Variants in TPM3 observed in about 807,000 individuals in gnomAD.
TPM3 encodes tropomyosin 3.
TPM3 carries 16 observed loss-of-function variants against 43.1 expected under a neutral mutation model. The ratio of observed to expected loss-of-function variants is 0.37; its 90% CI spans 0.25 to 0.56. TPM3 has a LOEUF of 0.56. Ranked by LOEUF, TPM3 falls within the 20% of genes least tolerant of loss-of-function variation. The pLI, the probability that TPM3 is intolerant of heterozygous loss-of-function variation, is 0.77. For missense variants in TPM3, 176 were observed against 337.2 expected (o/e 0.52, Z 3.74); for synonymous variants, 101 against 116.9 (o/e 0.86, Z 0.88).
At chr1:154,174,842 C>T (rs1445687096) in intron 3 of TPM3, among the ~76,000 whole-genome samples, 1 of 151,742 alleles carries the variant, frequency 6.6e-6, no homozygotes, top group Non-Finnish European at 1.5e-5. Context: ...CACATAGCTG[C>T]CTCTTTCATT....
In TPM3 at chr1:154,180,495, A is replaced by G. The variant is rs371946697; in HGVS notation, c.244-4247T>C. On this transcript the variant is annotated intron_variant, in intron 2 of 9. Coordinates refer to ENST00000651641, the MANE Select transcript of TPM3 (RefSeq NM_152263.4). The stretch of plus-strand genomic sequence containing the variant: ...ATTAAGCTTCTTCAGGCTGGGGAGT[A>G]GAAGAAATGATTTCATCAATATTTA... 2.0e-5 allele frequency among the ~76,000 whole-genome samples: 3 copies of G among 152,196 alleles called. No homozygotes were observed. In the East Asian group the frequency reaches 5.8e-4, roughly 29 times the overall value.
chr1:154,167,580 C>T lies in TPM3; in HGVS notation c.*357G>A. ...CATCACTCTGGTAGAATCAGATCAG[C>T]TGAGTTTAAATGTCAAGAAAAAATA... On this transcript the variant is annotated 3_prime_UTR_variant, in exon 10 of 10. Transcript: ENST00000651641. The T allele has an allele frequency of 8.4e-7, 1 of 1,195,694 alleles. No individual in the cohort carries two copies. Among genetic ancestry groups the T allele is most frequent in the Middle Eastern group, 3.5e-4 (1 of 2,872 alleles). The allele number at this position is 1,195,694 out of a possible 1,614,324, so 74.1% of individuals were successfully genotyped here. A position where few individuals can be genotyped will look rare whatever the true frequency, so the allele number is the denominator to read the frequency against.
intron 2 of TPM3, chr1:154,182,984 G>A (rs761938537): frequency 2.5e-6 from 4 of 1,610,838 alleles, no homozygotes; most frequent in Non-Finnish European, 3.4e-6. Flanking sequence ...CACCATCTCC[G>A]TACCTGTTCC....
At position 154,165,543 on chromosome 1, in the gene TPM3, C is replaced by T. The variant is rs1660846806; in HGVS notation, c.*2394G>A. Among the ~76,000 whole-genome samples the T allele has an allele frequency of 6.6e-6, 1 of 151,878 alleles. No homozygotes were observed. The highest frequency in any genetic ancestry group is 2.1e-4 in the South Asian group (1 of 4,824). On this transcript the variant is annotated 3_prime_UTR_variant, in exon 10 of 10. Coordinates refer to ENST00000651641, the MANE Select transcript of TPM3 (RefSeq NM_152263.4). ...GTGGCTCAAGCCTGTAATCCCATCA[C>T]TTTGGGAGGCTGAGGTGGGTGGATC... is the stretch of plus-strand genomic sequence containing the variant.
intron 3 of TPM3, among the ~76,000 whole-genome samples, chr1:154,175,137 C>A (rs1662149438): frequency 6.6e-6 from 1 of 152,036 alleles, no homozygotes; most frequent in African/African-American, 2.4e-5. Flanking sequence ...CAAGACCATC[C>A]TGGCTAATAC....
chr1:154,191,148 T>C, intron 2 of TPM3, 38 bp downstream of exon 2: 2 of 1,613,998 alleles, frequency 1.2e-6, no homozygotes, highest in East Asian at 2.2e-5. Flanking sequence ...GATCTATATG[T>C]GTAGATTAAA....
intron 2 of TPM3, chr1:154,187,497 T>G (rs1279651009): frequency 2.0e-6 from 2 of 984,548 alleles, no homozygotes; most frequent in Non-Finnish European, 2.4e-6. Flanking sequence ...TTTACATATT[T>G]AAATGGGTTT....
chr1:154,156,243 TA>T (rs748177273), downstream of TPM3: 1 of 178,314 alleles, frequency 5.6e-6, no homozygotes, highest in East Asian at 9.4e-5. Context: ...AAAATAATAA[TA>T]ATAAAGAATA....
At chr1:154,172,025 G>A (rs1661631011) in intron 5 of TPM3, 1 of 1,613,820 alleles carries the variant, frequency 6.2e-7, no homozygotes, top group Non-Finnish European at 8.5e-7. Flanking sequence ...TTAATGGTTA[G>A]TACCTTTTCT....
intron 2 of TPM3, among the ~76,000 whole-genome samples, chr1:154,180,034 A>G (rs2148272275): frequency 6.6e-6 from 1 of 152,340 alleles, no homozygotes. Flanking sequence ...AGAGATAAGG[A>G]AAAAGACTGC....
At chr1:154,158,578 C>G (rs1660034008), downstream of TPM3, 1 of 359,390 alleles carries the variant, frequency 2.8e-6, no homozygotes, top group Non-Finnish European at 5.2e-6. Flanking sequence ...GGACCCATTC[C>G]TGGGCCTGCC....
chr1:154,170,800 C>T (rs910319054), intron 6 of TPM3, 89 bp from the exon 7 acceptor site: 8 of 904,628 alleles, frequency 8.8e-6, no homozygotes, highest in African/African-American at 3.3e-5. Flanking sequence ...CATTGAATAT[C>T]CTCTTGCACT....
chr1:154,179,097 A>T (rs1280091698), intron 2 of TPM3, among the ~76,000 whole-genome samples: 1 of 152,262 alleles, frequency 6.6e-6, no homozygotes, highest in East Asian at 1.9e-4. Context: ...ATTAGATAAA[A>T]GCCACAGATA....
Position 154,176,415 on chromosome 1 carries a change from A to G in TPM3, c.244-167T>C, listed in dbSNP as rs575419514. ...AGATCTAGCAGACATAACTTTATAT[A>G]TATATATTTCCTCCCTTTCCCATCA... On this transcript the variant is annotated intron_variant, in intron 2 of 9. Coordinates refer to ENST00000651641, the MANE Select transcript of TPM3 (RefSeq NM_152263.4). Among the ~76,000 whole-genome samples, 6 of 150,072 alleles carry G rather than the reference A, an allele frequency of 4.0e-5. No individual in the cohort carries two copies. The East Asian group carries it at 9.6e-4, about 24-fold the overall frequency.
At chr1:154,170,619 G>A (rs776947285) in intron 7 of TPM3, 30 bp downstream of exon 7, 13 of 1,608,454 alleles carry the variant, frequency 8.1e-6, no homozygotes, top group Non-Finnish European at 1.1e-5. Flanking sequence ...AAATGTTTTG[G>A]GTTCTGCCCT....
At chr1:154,172,284 A>G (rs1468351900) in intron 5 of TPM3, 1 of 743,606 alleles carries the variant, frequency 1.3e-6, no homozygotes, top group Middle Eastern at 2.3e-4. Flanking sequence ...AGAGGGAAGC[A>G]CAAATACATA....
rs1220860058 is a variant in TPM3 at position 154,162,137 on chromosome 1, G to A, written c.*5800C>T. ...TGTAACCCCAGCACTTTGGAAGGCC[G>A]AGGCGGGCAGATCACGAGGTCAGGA... is the stretch of plus-strand genomic sequence containing the variant. On this transcript the variant is annotated 3_prime_UTR_variant, in exon 10 of 10. Coordinates refer to ENST00000651641, the MANE Select transcript of TPM3 (RefSeq NM_152263.4). Among the ~76,000 whole-genome samples, 11 of 152,004 alleles carry A rather than the reference G, an allele frequency of 7.2e-5. No individual in the cohort carries two copies. The highest frequency in any genetic ancestry group is 4.6e-4 in the Admixed American group (7 of 15,244).
chr1:154,170,526 C>T (rs1661455016), intron 7 of TPM3, 57 bp from the exon 8 acceptor site: 1 of 1,605,256 alleles, frequency 6.2e-7, no homozygotes, highest in South Asian at 1.1e-5. Flanking sequence ...AGAACAATCT[C>T]TATTTCTTCC....
At chr1:154,184,936 G>A (rs1255816946) in intron 2 of TPM3, among the ~76,000 whole-genome samples, 1 of 151,670 alleles carries the variant, frequency 6.6e-6, no homozygotes, top group Admixed American at 6.6e-5. Flanking sequence ...ACAGACGACT[G>A]TTACTAGATC....
Sources: gnomAD v4.1 joint callset for allele counts (sites outside exome capture counted in the v4.1 genomes callset) on GRCh38, gnomAD v4.1.1 for gene constraint, MANE v1.5 for transcripts, NCBI Gene and HGNC (gene_info 2026-07-23, HGNC 2026-07-21) for gene names.